Variants in LENG9 observed in about 807,000 individuals in gnomAD.
LENG9 encodes the protein leukocyte receptor cluster member 9.
For missense variants in LENG9, 872 were observed against 652.7 expected, an observed-to-expected ratio of 1.34 and a Z score of -3.66; for synonymous variants, 410 against 303.9, an observed-to-expected ratio of 1.35 and a Z score of -3.63.
In LENG9 at chr19:54,462,431, C is replaced by T. The variant is rs753464072; in HGVS notation, c.1096G>A (p.Ala366Thr). ...CGAGGGGGTGCATTTAGCCCCGGGG[C>T]CAAGAGGGCCCGTCTCAGAGCTCCA... ...AIGALRRALL[A>T]PGLNAPPRLS... Residue 366 changes from alanine (A) to threonine (T), a missense_variant, in exon 1 of 1, where the codon GCC (alanine) becomes ACC (threonine). By Grantham distance (58) the Ala-to-Thr change is moderately conservative. Coordinates refer to ENST00000611161, the MANE Select transcript of LENG9 (RefSeq NM_001301782.2). The T allele has an allele frequency of 2.5e-6, 4 of 1,613,498 alleles. No individual in the cohort carries two copies. The highest frequency in any genetic ancestry group is 1.1e-5 in the South Asian group (1 of 91,078).
Position 54,462,788 on chromosome 19 carries a change from T to G in LENG9, c.739A>C (p.Thr247Pro). The change falls in exon 1 of 1, where the codon ACC becomes CCC. Residue 247 changes from threonine to proline, a missense_variant. By Grantham distance (38) the Thr-to-Pro change is conservative. Transcript: ENST00000611161. ...TTGCCCCCCAGCAATGTGGTCCTGG[T>G]GGCTGCTGTTGGCTTCAGTGCCTCA... ...VTEALKPTAA[T>P]RTTLLGGKEA... 6.3e-7 allele frequency: 1 copy of G among 1,595,962 alleles called. No homozygotes were observed. Among genetic ancestry groups the G allele is most frequent in the South Asian group, 1.1e-5 (1 of 90,328 alleles).
chr19:54,462,945 C>A lies in LENG9; in HGVS notation c.582G>T (p.Arg194Ser). ...AQAAPKRGST[R>S]PLCTGHQEPG... The stretch of plus-strand genomic sequence containing the variant: ...GTTCCTGGTGCCCTGTGCAGAGCGG[C>A]CTTGTGCTCCCTCGCTTGGGGGCAG... Residue 194 changes from arginine to serine, a missense_variant, in exon 1 of 1, where the codon AGG becomes AGT. Physicochemically the swap from Arg to Ser is moderately radical, Grantham distance 110 (BLOSUM62 -1). Transcript: ENST00000611161. The A allele has an allele frequency of 1.2e-6, 2 of 1,611,278 alleles. No homozygotes were observed. The highest frequency in any genetic ancestry group is 1.1e-5 in the South Asian group (1 of 91,076).
Position 54,461,931 on chromosome 19 carries a change from T to A in LENG9, c.*159A>T. 1.1e-6 allele frequency: 1 copy of A among 934,628 alleles called. No individual in the cohort carries two copies. Among genetic ancestry groups the A allele is most frequent in the Non-Finnish European group, 1.8e-6 (1 of 570,342 alleles). 57.9% of individuals were successfully genotyped at this position (934,628 alleles called of 1,614,324 possible). Reference sequence around the variant, plus strand: ...CTCCCCTTCCCCTCCTCTCCCCTCCTTTTCCTTCCTTCCTTCCTTTCCTTG... The same window carrying A: ...CTCCCCTTCCCCTCCTCTCCCCTCCATTTCCTTCCTTCCTTCCTTTCCTTG... On this transcript the variant is annotated 3_prime_UTR_variant, in exon 1 of 1. Coordinates refer to ENST00000611161, the MANE Select transcript of LENG9 (RefSeq NM_001301782.2).
At position 54,462,504 on chromosome 19, in the gene LENG9, G is replaced by T. The variant is rs1214051593; in HGVS notation, c.1023C>A (p.Thr341=). 4 of 1,613,542 alleles carry T rather than the reference G, an allele frequency of 2.5e-6. No individual in the cohort carries two copies. The highest frequency in any genetic ancestry group is 2.7e-5 in the African/African-American group (2 of 75,044). ...FLVPSQNLHL[T]LALLRLAGAG... ...CGCCTGCCAGTCGCAGCAGGGCCAG[G>T]GTCAGGTGTAGGTTCTGAGAGGGCA... is the stretch of plus-strand genomic sequence containing the variant. The change falls in exon 1 of 1, where the codon ACC becomes ACA. Residue 341 remains threonine (T), a synonymous_variant. Coordinates refer to ENST00000611161, the MANE Select transcript of LENG9 (RefSeq NM_001301782.2).
chr19:54,462,298 TC>T lies in LENG9; in HGVS notation c.1228del (p.Glu410ArgfsTer3), dbSNP rs2084609257. On this transcript the variant is annotated frameshift_variant, in exon 1 of 1. Transcript: ENST00000611161. LOFTEE classifies it low-confidence loss of function (END_TRUNC). ...AQVLSQRLEA[E>X]GLSTLQSPGQ... ...TGGAGACTGTAGTGTACTCAGCCCC[TC>T]GGCTTCCAGCCTCTGGCTCAGCACT... 1 of 1,602,204 alleles carries T rather than the reference TC, an allele frequency of 6.2e-7. No homozygotes were observed. Among genetic ancestry groups the T allele is most frequent in the Non-Finnish European group, 8.5e-7 (1 of 1,172,534 alleles).
chr19:54,463,571 CGCACGGAGGGCGGCTCCCCTTGGAT>C lies in LENG9; in HGVS notation c.-70_-46del, dbSNP rs774378227. Reference sequence around the variant, plus strand: ...GCCCGCCGCGCAGACGAGGTCGCCCCGCACGGAGGGCGGCTCCCCTTGGATGCACCGAGCCTCACCCGACAGTGGC... The same window carrying C: ...GCCCGCCGCGCAGACGAGGTCGCCCCGCACCGAGCCTCACCCGACAGTGGC... On this transcript the variant is annotated 5_prime_UTR_variant, in exon 1 of 1. Transcript: ENST00000611161. 4,334 of 1,366,692 alleles carry C rather than the reference CGCACGGAGGGCGGCTCCCCTTGGAT, an allele frequency of 3.2e-3. 10 individuals carry two copies. Among genetic ancestry groups the C allele is most frequent in the Non-Finnish European group, 3.6e-3 (3,809 of 1,055,028 alleles). The allele number at this position is 1,366,692 out of a possible 1,614,324, so 84.7% of individuals were successfully genotyped here.
rs937676187 is a variant in LENG9, at chr19:54,463,222, C to G, written c.305G>C (p.Ser102Thr). Residue 102 changes from serine to threonine, a missense_variant, in exon 1 of 1, where the codon AGC (serine) becomes ACC (threonine). Transcript: ENST00000611161. ...RFLGVREEPF[S>T]AFCWDQPLAA... ...CAGCGGCTGGTCCCAGCAAAAGGCG[C>G]TGAAGGGCTCCTCGCGCACACCCAG... 2 of 1,549,438 alleles carry G rather than the reference C, an allele frequency of 1.3e-6. No individual in the cohort carries two copies. The highest frequency in any genetic ancestry group is 2.7e-5 in the African/African-American group (2 of 73,506).
In LENG9 at chr19:54,462,129, C is replaced by CCCTGT; in HGVS notation, c.1393_1397dup (p.Gly467GlnfsTer?). On this transcript the variant is annotated frameshift_variant, in exon 1 of 1. Transcript: ENST00000611161. LOFTEE classifies it low-confidence loss of function (END_TRUNC). ...TCTCAGCCAGGGGCTGGAAAGGCCC[C>CCCTGT]CCTGTCCTCCCTATACGGCACAGCC... is the stretch of plus-strand genomic sequence containing the variant. 3 of 1,585,672 alleles carry CCCTGT rather than the reference C, an allele frequency of 1.9e-6. No individual in the cohort carries two copies. Among genetic ancestry groups the CCCTGT allele is most frequent in the Non-Finnish European group, 2.6e-6 (3 of 1,164,394 alleles).
rs1394456045 is a variant in LENG9, at chr19:54,462,636, GGGGCGCGGTT to G, written c.881_890del (p.Gln294ProfsTer9). ...TCACCATGAGGGCCACAAAATGTGT[GGGGCGCGGTT>G]GGCAAGGGGCTGCAACACTAAGGCG... On this transcript the variant is annotated frameshift_variant, in exon 1 of 1. Coordinates refer to ENST00000611161, the MANE Select transcript of LENG9 (RefSeq NM_001301782.2). LOFTEE classifies it low-confidence loss of function (END_TRUNC). 2 of 1,613,440 alleles carry G rather than the reference GGGGCGCGGTT, an allele frequency of 1.2e-6. No individual in the cohort carries two copies. Among genetic ancestry groups the G allele is most frequent in the South Asian group, 1.1e-5 (1 of 91,086 alleles).
In LENG9 at chr19:54,462,425, C is replaced by T. The variant is rs574368002; in HGVS notation, c.1102G>A (p.Gly368Arg). 1 of 1,613,494 alleles carries T rather than the reference C, an allele frequency of 6.2e-7. No individual in the cohort carries two copies. The highest frequency in any genetic ancestry group is 8.5e-7 in the Non-Finnish European group (1 of 1,179,922). ...GALRRALLAP[G>R]LNAPPRLSFR... Reference sequence around the variant, plus strand: ...CTCAGCCGAGGGGGTGCATTTAGCCCCGGGGCCAAGAGGGCCCGTCTCAGA... The same window carrying T: ...CTCAGCCGAGGGGGTGCATTTAGCCTCGGGGCCAAGAGGGCCCGTCTCAGA... The change falls in exon 1 of 1, where the codon GGG (glycine) becomes AGG (arginine). Residue 368 changes from glycine to arginine, a missense_variant. Coordinates refer to ENST00000611161, the MANE Select transcript of LENG9 (RefSeq NM_001301782.2).
Position 54,462,703 on chromosome 19 carries a change from C to G in LENG9, c.824G>C (p.Gly275Ala). ...TTTGTCCTCGGGCCAGGCCGCAGGACCCCACTCGGCTTCTGTCGTCTCAGC... is the reference window on the plus strand; with the variant it reads ...TTTGTCCTCGGGCCAGGCCGCAGGAGCCCACTCGGCTTCTGTCGTCTCAGC... ...GSAETTEAEW[G>A]PAAWPEDKRA... Residue 275 changes from glycine (G) to alanine (A), a missense_variant, in exon 1 of 1, where the codon GGT (glycine) becomes GCT (alanine). Transcript: ENST00000611161. 1 of 1,610,876 alleles carries G rather than the reference C, an allele frequency of 6.2e-7. No homozygotes were observed. Among genetic ancestry groups the G allele is most frequent in the Non-Finnish European group, 8.5e-7 (1 of 1,179,982 alleles).
Position 54,462,181 on chromosome 19 carries a change from A to G in LENG9, c.1346T>C (p.Val449Ala), listed in dbSNP as rs763325106. ...GAGTGTCTGCAGGGGCTGGCACCCC[A>G]CTTCCTGGCTGAGGGTGAACTCCAG... is the stretch of plus-strand genomic sequence containing the variant. Reference protein sequence around the residue: ...PKLEFTLSQEVGCQPLQTLWL... With the variant: ...PKLEFTLSQEAGCQPLQTLWL... The change falls in exon 1 of 1, where the codon GTG becomes GCG. Residue 449 changes from valine to alanine, a missense_variant. By Grantham distance (64) the Val-to-Ala change is moderately conservative. Transcript: ENST00000611161. 2 of 1,612,942 alleles carry G rather than the reference A, an allele frequency of 1.2e-6. No individual in the cohort carries two copies. Among genetic ancestry groups the G allele is most frequent in the Non-Finnish European group, 1.7e-6 (2 of 1,179,384 alleles).
In LENG9 at chr19:54,463,550, G is replaced by A; in HGVS notation, c.-24C>T. ...ATGGGTGCGGGGAACTGGCACGCCCGCCGCGCAGACGAGGTCGCCCCGCAC... is the reference window on the plus strand; with the variant it reads ...ATGGGTGCGGGGAACTGGCACGCCCACCGCGCAGACGAGGTCGCCCCGCAC... On this transcript the variant is annotated 5_prime_UTR_variant, in exon 1 of 1. Transcript: ENST00000611161. The A allele has an allele frequency of 7.2e-7, 1 of 1,385,664 alleles. No individual in the cohort carries two copies. Among genetic ancestry groups the A allele is most frequent in the Non-Finnish European group, 9.4e-7 (1 of 1,065,100 alleles). The allele number at this position is 1,385,664 out of a possible 1,614,324, so 85.8% of individuals were successfully genotyped here. A position where few individuals can be genotyped will look rare whatever the true frequency, so the allele number is the denominator to read the frequency against.
In LENG9 at chr19:54,463,194, C is replaced by CG. The variant is rs2084656328; in HGVS notation, c.332dup (p.Ala112GlyfsTer113). Reference sequence around the variant, plus strand: ...CTGCCAGCACGCCCGGCCCGAGCGCCGCCAGCGGCTGGTCCCAGCAAAAGG... The same window carrying CG: ...CTGCCAGCACGCCCGGCCCGAGCGCCGGCCAGCGGCTGGTCCCAGCAAAAGG... On this transcript the variant is annotated frameshift_variant, in exon 1 of 1. Transcript: ENST00000611161. LOFTEE classifies it low-confidence loss of function (END_TRUNC). The CG allele has an allele frequency of 6.4e-7, 1 of 1,564,740 alleles. No homozygotes were observed. Among genetic ancestry groups the CG allele is most frequent in the South Asian group, 1.2e-5 (1 of 86,752 alleles).
In LENG9 at chr19:54,462,857, C is replaced by A; in HGVS notation, c.670G>T (p.Asp224Tyr). 1.9e-6 allele frequency: 3 copies of A among 1,612,738 alleles called. No individual in the cohort carries two copies. The highest frequency in any genetic ancestry group is 1.3e-5 in the African/African-American group (1 of 75,038). The part of the protein sequence containing the change: ...AQERALGTAA[D>Y]LGTLAPRGRL... ...CCTCTTGGGGCCAGTGTTCCCAAAT[C>A]AGCAGCTGTGCCCAGCGCCCTCTCC... Residue 224 changes from aspartate (D) to tyrosine (Y), a missense_variant, in exon 1 of 1, where the codon GAT becomes TAT. Transcript: ENST00000611161.
rs374441160 is a variant in LENG9 at position 54,462,797 on chromosome 19, T to C, written c.730A>G (p.Thr244Ala). Reference sequence around the variant, plus strand: ...AGCAATGTGGTCCTGGTGGCTGCTGTTGGCTTCAGTGCCTCAGTCACTCCG... The same window carrying C: ...AGCAATGTGGTCCTGGTGGCTGCTGCTGGCTTCAGTGCCTCAGTCACTCCG... ...LAGVTEALKP[T>A]AATRTTLLGG... The change falls in exon 1 of 1, where the codon ACA becomes GCA. Residue 244 changes from threonine to alanine, a missense_variant. Physicochemically the swap from Thr to Ala is moderately conservative, Grantham distance 58. Transcript: ENST00000611161. 3.2e-6 allele frequency: 5 copies of C among 1,576,482 alleles called. No individual in the cohort carries two copies. Among genetic ancestry groups the C allele is most frequent in the Non-Finnish European group, 4.3e-6 (5 of 1,168,974 alleles).
chr19:54,461,926 C>A lies in LENG9; in HGVS notation c.*164G>T. 1.1e-6 allele frequency: 1 copy of A among 934,230 alleles called. No homozygotes were observed. Among genetic ancestry groups the A allele is most frequent in the South Asian group, 1.3e-5 (1 of 76,050 alleles). 57.9% of individuals were successfully genotyped at this position (934,230 alleles called of 1,614,324 possible). On this transcript the variant is annotated 3_prime_UTR_variant, in exon 1 of 1. Coordinates refer to ENST00000611161, the MANE Select transcript of LENG9 (RefSeq NM_001301782.2). ...TCTGCCTCCCCTTCCCCTCCTCTCC[C>A]CTCCTTTTCCTTCCTTCCTTCCTTT...
At position 54,463,351 on chromosome 19, in the gene LENG9, G is replaced by A; in HGVS notation, c.176C>T (p.Ala59Val). 2 of 1,397,306 alleles carry A rather than the reference G, an allele frequency of 1.4e-6. No individual in the cohort carries two copies. The highest frequency in any genetic ancestry group is 1.5e-5 in the South Asian group (1 of 66,494). The allele number at this position is 1,397,306 out of a possible 1,614,324, so 86.6% of individuals were successfully genotyped here. The change falls in exon 1 of 1, where the codon GCC (alanine) becomes GTC (valine). Residue 59 changes from alanine to valine, a missense_variant. By Grantham distance (64) the Ala-to-Val change is moderately conservative. Transcript: ENST00000611161. ...GGCTGTGCGCAGCGGCGGCTTCTTG[G>A]CCCCGGCCTCCGGCTGCGCCTCGCG... ...PGREAQPEAG[A>V]KKPPLRTAAD...
rs779043477 is a variant in LENG9 at position 54,461,805 on chromosome 19, C to T, written c.*285G>A. 5 of 594,646 alleles carry T rather than the reference C, an allele frequency of 8.4e-6. No homozygotes were observed. Among genetic ancestry groups the T allele is most frequent in the Admixed American group, 4.3e-5 (2 of 46,116 alleles). 36.8% of individuals were successfully genotyped at this position (594,646 alleles called of 1,614,324 possible). ...CCTCCTCTCCCTTTTCTTTTTGGCC[C>T]TCCCTCCCTCCCTCTTCTGCCATGT... is the stretch of plus-strand genomic sequence containing the variant. On this transcript the variant is annotated 3_prime_UTR_variant, in exon 1 of 1. Coordinates refer to ENST00000611161, the MANE Select transcript of LENG9 (RefSeq NM_001301782.2).
Sources: gnomAD v4.1 joint callset for allele counts on GRCh38, gnomAD v4.1.1 for gene constraint, MANE v1.5 for transcripts, NCBI Gene and HGNC (gene_info 2026-07-23, HGNC 2026-07-21) for gene names.